The following GIP variants were observed in gnomAD, a reference collection of about 807,000 sequenced individuals.
GIP encodes the protein glucose-dependent insulinotropic polypeptide.
A neutral mutation model predicts 18.1 loss-of-function variants in GIP; 16 were observed. The observed-to-expected ratio is 0.88, with a 90% confidence interval of 0.60 to 1.34. The LOEUF is 1.34. Among genes scored for constraint, GIP ranks in the 40% most tolerant of loss-of-function variants. The pLI, the probability that GIP is intolerant of heterozygous loss-of-function variation, is 0.00. For missense variants in GIP, 192 were observed against 183.4 expected, an observed-to-expected ratio of 1.05 and a Z score of -0.27; for synonymous variants, 76 against 74.0, an observed-to-expected ratio of 1.03 and a Z score of -0.14.
intron 1 of GIP, 22 bp from the exon 2 acceptor site, chr17:48,967,275 A>G (rs1043717887): frequency 1.2e-5 from 19 of 1,545,470 alleles, no homozygotes; most frequent in African/African-American, 2.7e-5. Context: ...AAAAGCCAGG[A>G]CATGTTGAGA....
chr17:48,960,863 T>TG (rs2041196789), intron 5 of GIP, 23 bp downstream of exon 5: 1 of 1,430,730 alleles, frequency 7.0e-7, no homozygotes, highest in Non-Finnish European at 9.7e-7. Flanking sequence ...TTAGAACCGC[T>TG]GTGCAACACC....
In GIP at chr17:48,964,365, T is replaced by G. The variant is rs753112224; in HGVS notation, c.202A>C (p.Ile68Leu). Residue 68 changes from isoleucine (I) to leucine (L), a missense_variant, in exon 3 of 6, where the codon ATT (isoleucine) becomes CTT (leucine). By Grantham distance (5) the Ile-to-Leu change is conservative (BLOSUM62 2). Coordinates refer to ENST00000357424, the MANE Select transcript of GIP (RefSeq NM_004123.3). ...CAGTTCACAAAGTCTTGTTGGTGAATCTTGTCCATGGCAATACTGTAGTCA... is the reference window on the plus strand; with the variant it reads ...CAGTTCACAAAGTCTTGTTGGTGAAGCTTGTCCATGGCAATACTGTAGTCA... ...ISDYSIAMDKIHQQDFVNWLL... is the reference protein window; with the variant it reads ...ISDYSIAMDKLHQQDFVNWLL... The G allele has an allele frequency of 6.2e-7, 1 of 1,613,842 alleles. No homozygotes were observed.
chr17:48,962,293 C>T (rs1056523160), intron 3 of GIP, among the ~76,000 whole-genome samples: 26 of 152,024 alleles, frequency 1.7e-4, no homozygotes, highest in African/African-American at 6.0e-4. Flanking sequence ...AACTCGTGAG[C>T]TCAAACAATC....
chr17:48,961,829 T>C lies in GIP; in HGVS notation c.258-10A>G. 1 of 1,604,580 alleles carries C rather than the reference T, an allele frequency of 6.2e-7. No individual in the cohort carries two copies. The highest frequency in any genetic ancestry group is 1.1e-5 in the South Asian group (1 of 90,654). Reference sequence around the variant, plus strand: ...GATGTTGTGTTTCCAGCTGGGAAGATAAAGATTAGAGAGTGGGCAAGCTGC... The same window carrying C: ...GATGTTGTGTTTCCAGCTGGGAAGACAAAGATTAGAGAGTGGGCAAGCTGC... On this transcript the variant is annotated splice_polypyrimidine_tract_variant and intron_variant, in intron 3 of 5. Transcript: ENST00000357424.
At chr17:48,964,861 A>C (rs2041226241) in intron 2 of GIP, among the ~76,000 whole-genome samples, 1 of 152,014 alleles carries the variant, frequency 6.6e-6, no homozygotes, top group African/African-American at 2.4e-5. Flanking sequence ...AGGCGTTGGC[A>C]GGGCGTGGTG....
intron 2 of GIP, among the ~76,000 whole-genome samples, chr17:48,965,129 A>C: frequency 1.3e-5 from 1 of 77,898 alleles, no homozygotes; most frequent in Non-Finnish European, 2.5e-5. Flanking sequence ...ACAGAGCGAG[A>C]CTCCGTCTCA....
At chr17:48,960,803 G>A in intron 5 of GIP, 83 bp downstream of exon 5, 1 of 805,722 alleles carries the variant, frequency 1.2e-6, no homozygotes, top group Non-Finnish European at 2.1e-6. Context: ...TAATCAGCCA[G>A]CATGTGGAGG....
intron 3 of GIP, 125 bp downstream of exon 3, chr17:48,964,185 A>AAAAG (rs1485540801): frequency 1.6e-6 from 1 of 644,158 alleles, no homozygotes; most frequent in Admixed American, 2.5e-5. Flanking sequence ...AAAGAAAAGA[A>AAAAG]AAAGAAAGGT....
intron 2 of GIP, among the ~76,000 whole-genome samples, chr17:48,966,268 A>AG: frequency 6.6e-6 from 1 of 150,516 alleles, no homozygotes; most frequent in Non-Finnish European, 1.5e-5. Flanking sequence ...AAAAAAAAAA[A>AG]AAAGGGCCAG....
chr17:48,958,681 C>A lies in GIP; in HGVS notation c.*26G>T. 2.5e-6 allele frequency: 4 copies of A among 1,570,682 alleles called. No individual in the cohort carries two copies. Among genetic ancestry groups the A allele is most frequent in the South Asian group, 1.2e-5 (1 of 85,476 alleles). Reference sequence around the variant, plus strand: ...CAGGTGCTAAGTGAAGGGCAGAATCCAGTCCTGAGCTGGGTGTGGTCAGAG... The same window carrying A: ...CAGGTGCTAAGTGAAGGGCAGAATCAAGTCCTGAGCTGGGTGTGGTCAGAG... On this transcript the variant is annotated 3_prime_UTR_variant, in exon 6 of 6. Coordinates refer to ENST00000357424, the MANE Select transcript of GIP (RefSeq NM_004123.3).
intron 2 of GIP, 119 bp downstream of exon 2, chr17:48,967,028 A>T: frequency 1.4e-6 from 1 of 727,374 alleles, no homozygotes. Context: ...ATTTCCCTGG[A>T]GCTTCCTACC....
chr17:48,961,656 G>T, intron 4 of GIP, 71 bp downstream of exon 4: 1 of 935,388 alleles, frequency 1.1e-6, no homozygotes, highest in Non-Finnish European at 1.7e-6. Flanking sequence ...TGGGGTCAGG[G>T]AGAGGGAACA....
At chr17:48,964,159 CA>C (rs11380752) in intron 3 of GIP, 150 bp downstream of exon 3, 57,595 of 354,134 alleles carry the variant, frequency 0.16, 1,004 homozygotes, top group East Asian at 0.39. Flanking sequence ...GACTCCATCT[CA>C]AAAAAAAAAA....
intron 5 of GIP, 46 bp downstream of exon 5, chr17:48,960,840 G>T: frequency 1.7e-6 from 2 of 1,156,810 alleles, no homozygotes; most frequent in Non-Finnish European, 2.6e-6. Context: ...CATGTCTGAT[G>T]CCCAAGCTCA....
intron 5 of GIP, among the ~76,000 whole-genome samples, chr17:48,959,340 T>C (rs1285772208): frequency 6.6e-6 from 1 of 152,158 alleles, no homozygotes; most frequent in Non-Finnish European, 1.5e-5. Flanking sequence ...AATATCCACC[T>C]TCTTACGGAG....
chr17:48,964,997 G>A (rs188167957), intron 2 of GIP, among the ~76,000 whole-genome samples: 1 of 151,876 alleles, frequency 6.6e-6, no homozygotes, highest in Non-Finnish European at 1.5e-5. Context: ...AAATTAGCCA[G>A]GCATGGTGGT....
At chr17:48,963,658 T>G (rs2041213224) in intron 3 of GIP, among the ~76,000 whole-genome samples, 1 of 148,076 alleles carries the variant, frequency 6.8e-6, no homozygotes, top group Non-Finnish European at 1.5e-5. Context: ...AGACTTCGTC[T>G]CAAAAGAACA....
Position 48,967,248 on chromosome 17 carries a change from C to T in GIP, c.-16G>A. The T allele has an allele frequency of 1.2e-6, 2 of 1,610,938 alleles. No homozygotes were observed. The highest frequency in any genetic ancestry group is 1.7e-6 in the Non-Finnish European group (2 of 1,177,140). ...TGGCCACCATCTTCCAAGGTTATTT[C>T]CTGAGCTAAGACAGAAAAAAGCCAG... On this transcript the variant is annotated 5_prime_UTR_variant, in exon 2 of 6. Transcript: ENST00000357424.
intron 2 of GIP, among the ~76,000 whole-genome samples, chr17:48,965,133 C>CTT (rs2041228371): frequency 4.6e-5 from 1 of 21,800 alleles, no homozygotes; most frequent in Admixed American, 5.6e-4. Flanking sequence ...AGCGAGACTC[C>CTT]GTCTCAAAAA....
Sources: gnomAD v4.1 joint callset for allele counts (sites outside exome capture counted in the v4.1 genomes callset) on GRCh38, gnomAD v4.1.1 for gene constraint, MANE v1.5 for transcripts, NCBI Gene and HGNC (gene_info 2026-07-23, HGNC 2026-07-21) for gene names.